Variants in SNX6 observed in about 807,000 individuals in gnomAD.
SNX6 encodes sorting nexin-6.
A neutral mutation model predicts 63.0 loss-of-function variants in SNX6; 34 were observed. The observed-to-expected ratio is 0.54, with a 90% CI of 0.41 to 0.72. The LOEUF is 0.72. Among genes scored for constraint, SNX6 ranks in the 30% least tolerant of loss-of-function variants. SNX6 has a pLI of 0.00. For missense variants in SNX6, 398 were observed against 471.4 expected, an observed-to-expected ratio of 0.84 and a Z score of 1.44; for synonymous variants, 170 against 164.2, an observed-to-expected ratio of 1.04 and a Z score of -0.27.
intron 1 of SNX6, 66 bp downstream of exon 1, chr14:34,630,045 C>T: frequency 7.0e-7 from 1 of 1,438,012 alleles, no homozygotes. Flanking sequence ...GCGCGGTCCC[C>T]GCGCCCGCCC....
At chr14:34,604,793 T>C (rs945987508) in intron 5 of SNX6, among the ~76,000 whole-genome samples, 1 of 151,906 alleles carries the variant, frequency 6.6e-6, no homozygotes, top group African/African-American at 2.4e-5. Context: ...AAAGGAAATA[T>C]TCATCAGAAC....
At chr14:34,567,568 A>C (rs1406184915) in intron 13 of SNX6, 118 bp downstream of exon 13, 3 of 768,690 alleles carry the variant, frequency 3.9e-6, no homozygotes, top group Non-Finnish European at 6.4e-6. Flanking sequence ...ATTCCAGTTC[A>C]GGAATAGTTG....
chr14:34,571,092 T>G (rs938208777), intron 11 of SNX6, among the ~76,000 whole-genome samples: 2 of 151,536 alleles, frequency 1.3e-5, no homozygotes, highest in African/African-American at 4.8e-5. Flanking sequence ...ATCCAGACAA[T>G]GGAATATTAT....
intron 13 of SNX6, among the ~76,000 whole-genome samples, chr14:34,566,007 A>G (rs1881166519): frequency 6.6e-6 from 1 of 151,576 alleles, no homozygotes; most frequent in Non-Finnish European, 1.5e-5. Flanking sequence ...TATTTTTAGT[A>G]GAGGACAGGG....
At chr14:34,592,483 G>A (rs144995178) in intron 8 of SNX6, among the ~76,000 whole-genome samples, 18 of 152,304 alleles carry the variant, frequency 1.2e-4, no homozygotes, top group Admixed American at 3.3e-4. Context: ...TTACGCAGCA[G>A]CAACTTTATC....
chr14:34,574,254 T>C (rs958930617), intron 11 of SNX6, among the ~76,000 whole-genome samples: 3 of 150,586 alleles, frequency 2.0e-5, no homozygotes, highest in Non-Finnish European at 4.4e-5. Context: ...GAGAATCACT[T>C]GAAGCCGGGA....
At chr14:34,612,779 G>C (rs996980936) in intron 2 of SNX6, among the ~76,000 whole-genome samples, 4 of 151,886 alleles carry the variant, frequency 2.6e-5, no homozygotes, top group African/African-American at 7.2e-5. Context: ...GGCGCCACTG[G>C]TGGCTCACGC....
chr14:34,590,719 T>C (rs1882358261), intron 8 of SNX6, among the ~76,000 whole-genome samples: 1 of 152,122 alleles, frequency 6.6e-6, no homozygotes, highest in African/African-American at 2.4e-5. Context: ...AAGTTAAATA[T>C]TCATTTACCA....
chr14:34,588,836 T>C (rs1171805475), intron 8 of SNX6, among the ~76,000 whole-genome samples: 1 of 152,062 alleles, frequency 6.6e-6, no homozygotes, highest in Non-Finnish European at 1.5e-5. Flanking sequence ...CATATGAAAA[T>C]ATAAAGATTT....
intron 11 of SNX6, among the ~76,000 whole-genome samples, chr14:34,572,729 G>A (rs1012064985): frequency 1.3e-5 from 2 of 151,620 alleles, no homozygotes; most frequent in South Asian, 2.1e-4. Context: ...CCCCCAGGCC[G>A]GAGTGCCGTG....
At chr14:34,597,517 A>G (rs1882651231) in intron 7 of SNX6, 33 bp downstream of exon 7, 1 of 1,254,548 alleles carries the variant, frequency 8.0e-7, no homozygotes, top group African/African-American at 1.5e-5. Flanking sequence ...AGAAGTCTCA[A>G]CTAATACCAC....
intron 9 of SNX6, among the ~76,000 whole-genome samples, chr14:34,585,044 G>GA (rs1882098219): frequency 6.6e-6 from 1 of 151,930 alleles, no homozygotes; most frequent in South Asian, 2.1e-4. Context: ...TGGAGACAGG[G>GA]TTTCTCCATG....
intron 6 of SNX6, among the ~76,000 whole-genome samples, chr14:34,598,150 C>A (rs879444912): frequency 6.6e-6 from 1 of 152,074 alleles, no homozygotes; most frequent in Non-Finnish European, 1.5e-5. Context: ...ATTAATAGCA[C>A]AAGGGACACA....
At chr14:34,593,520 G>A (rs921263167) in intron 7 of SNX6, among the ~76,000 whole-genome samples, 15 of 144,138 alleles carry the variant, frequency 1.0e-4, no homozygotes, top group Admixed American at 7.0e-5. Flanking sequence ...CTGCCTCAGC[G>A]TCCCAATAGC....
intron 9 of SNX6, among the ~76,000 whole-genome samples, chr14:34,586,022 C>T (rs1356984953): frequency 1.3e-5 from 2 of 152,114 alleles, no homozygotes; most frequent in African/African-American, 2.4e-5. Context: ...CCTGCCTCAG[C>T]CTCCTGAGTA....
Position 34,609,760 on chromosome 14 carries a change from G to A in SNX6, c.55-18C>T. 2 of 1,463,584 alleles carry A rather than the reference G, an allele frequency of 1.4e-6. No individual in the cohort carries two copies. The highest frequency in any genetic ancestry group is 1.9e-6 in the Non-Finnish European group (2 of 1,055,252). 90.7% of individuals were successfully genotyped at this position (1,463,584 alleles called of 1,614,324 possible). On this transcript the variant is annotated intron_variant, in intron 2 of 13. Transcript: ENST00000362031. ...GCTTTAAGCTAGAAAAAGAAAACCAGTATCTTCATGAAAATCATGTTTTAT... is the reference window on the plus strand; with the variant it reads ...GCTTTAAGCTAGAAAAAGAAAACCAATATCTTCATGAAAATCATGTTTTAT...
Position 34,626,668 on chromosome 14 carries a change from CAAAAA to C in SNX6, c.54+3234_54+3238del, listed in dbSNP as rs56118978. Among the ~76,000 whole-genome samples the C allele has an allele frequency of 3.0e-3, 380 of 126,550 alleles. 5 individuals are homozygous for C. Among genetic ancestry groups the C allele is most frequent in the South Asian group, 0.012 (47 of 3,994 alleles). The allele number at this position is 126,550 out of a possible 152,430, so 83.0% of individuals were successfully genotyped here. The stretch of plus-strand genomic sequence containing the variant: ...TGGGCAACAGAGCGAGACTCCATTT[CAAAAA>C]AAAAAAAAGAGAAAGTTTCTGGACA... On this transcript the variant is annotated intron_variant, in intron 2 of 13. Coordinates refer to ENST00000362031, the MANE Select transcript of SNX6 (RefSeq NM_152233.4).
intron 11 of SNX6, among the ~76,000 whole-genome samples, chr14:34,569,658 G>A (rs1330893365): frequency 6.6e-6 from 1 of 152,106 alleles, no homozygotes; most frequent in African/African-American, 2.4e-5. Context: ...ATGGAATAGT[G>A]TGATTTTTGT....
intron 2 of SNX6, among the ~76,000 whole-genome samples, chr14:34,610,920 G>C (rs1883203446): frequency 6.6e-6 from 1 of 152,086 alleles, no homozygotes; most frequent in South Asian, 2.1e-4. Flanking sequence ...TATTGTAAAT[G>C]AACAAAATGC....
Sources: allele counts gnomAD v4.1 joint callset (sites outside exome capture counted in the v4.1 genomes callset), GRCh38; gene constraint gnomAD v4.1.1; transcripts MANE v1.5; gene names NCBI Gene and HGNC (gene_info 2026-07-23, HGNC 2026-07-21).